The following TLK2 variants were observed in gnomAD, a reference collection of about 807,000 sequenced individuals.
TLK2 encodes serine/threonine-protein kinase tousled-like 2.
TLK2 carries 6 observed loss-of-function variants against 117.3 expected under a neutral mutation model. That is an observed-to-expected ratio of 0.05 (90% CI 0.03 to 0.10). The LOEUF (loss-of-function observed/expected upper bound fraction) is 0.10. Ranked by LOEUF, TLK2 falls within the 10% of genes least tolerant of loss-of-function variation. The pLI, the probability that TLK2 is intolerant of heterozygous loss-of-function variation, is 1.00. For missense variants in TLK2, 299 were observed against 901.2 expected (o/e 0.33, Z 8.56); for synonymous variants, 257 against 316.7 (o/e 0.81, Z 2.00).
At chr17:62,603,107 A>C (rs6504112) in intron 19 of TLK2, among the ~76,000 whole-genome samples, 89,733 of 151,946 alleles carry the variant, frequency 0.59, 26,761 homozygotes, top group East Asian at 0.82. Context: ...AAGGTGGTCA[A>C]ATCACTTTAT....
In TLK2 at chr17:62,552,211, A is replaced by G. The variant is rs543874657; in HGVS notation, c.532-91A>G. On this transcript the variant is annotated intron_variant, in intron 7 of 21. Coordinates refer to ENST00000346027, the MANE Select transcript of TLK2 (RefSeq NM_006852.6). Reference sequence around the variant, plus strand: ...ATAAGAAGGGGTTTGTATTGTGGAGATACAAATTATGGAGTTGTTTGCATT... The same window carrying G: ...ATAAGAAGGGGTTTGTATTGTGGAGGTACAAATTATGGAGTTGTTTGCATT... 8.0e-6 allele frequency: 8 copies of G among 996,714 alleles called. No homozygotes were observed. The East Asian group carries it at 2.1e-4, about 26-fold the overall frequency. 61.7% of individuals were successfully genotyped at this position (996,714 alleles called of 1,614,324 possible). A position where few individuals can be genotyped will look rare whatever the true frequency, so the allele number is the denominator to read the frequency against.
chr17:62,476,036 G>A (rs879394728), upstream of TLK2, among the ~76,000 whole-genome samples: 11 of 151,818 alleles, frequency 7.2e-5, no homozygotes, highest in Non-Finnish European at 1.5e-4. Flanking sequence ...GGAGTGCAGT[G>A]GTGCCATCTT....
intron 2 of TLK2, among the ~76,000 whole-genome samples, chr17:62,489,766 A>G (rs2072908274): frequency 6.6e-6 from 1 of 152,164 alleles, no homozygotes; most frequent in Non-Finnish European, 1.5e-5. Context: ...TCTTTGTTAC[A>G]ATTGATGATA....
At chr17:62,568,431 CAAAA>C (rs57725124) in intron 11 of TLK2, among the ~76,000 whole-genome samples, 2 of 57,360 alleles carry the variant, frequency 3.5e-5, no homozygotes, top group Non-Finnish European at 3.7e-5. Flanking sequence ...GACCCTGTCT[CAAAA>C]AAAAAAAAAA....
intron 10 of TLK2, among the ~76,000 whole-genome samples, chr17:62,561,895 C>CAT (rs1598600394): frequency 6.6e-6 from 1 of 152,178 alleles, no homozygotes; most frequent in East Asian, 1.9e-4. Context: ...AAAAAGTAAA[C>CAT]ATAATGCTGT....
At chr17:62,494,763 A>G (rs1380343493) in intron 2 of TLK2, among the ~76,000 whole-genome samples, 1 of 152,210 alleles carries the variant, frequency 6.6e-6, no homozygotes, top group Non-Finnish European at 1.5e-5. Context: ...TCAGATGCCT[A>G]TGGCACATAG....
At chr17:62,585,506 C>A (rs1476724916) in intron 15 of TLK2, 5 of 152,376 alleles carry the variant, frequency 3.3e-5, no homozygotes. Context: ...CCGTTGCACT[C>A]CAGCCTGGGC....
intron 2 of TLK2, among the ~76,000 whole-genome samples, chr17:62,497,048 G>C (rs2073767654): frequency 6.6e-6 from 1 of 151,838 alleles, no homozygotes; most frequent in Non-Finnish European, 1.5e-5. Flanking sequence ...ATTGAGCCTA[G>C]GAGTTTGAGA....
chr17:62,509,957 G>C (rs2075015256), intron 2 of TLK2, among the ~76,000 whole-genome samples: 1 of 152,194 alleles, frequency 6.6e-6, no homozygotes, highest in South Asian at 2.1e-4. Flanking sequence ...CTCCAGAACT[G>C]TCAGAAATTA....
rs139743567 is a variant in TLK2, at chr17:62,589,599, TTGAA to T, written c.1460+3377_1460+3380del. ...CAAATTCCCTTAATTGGCGAGAACT[TTGAA>T]TGACATTTTGATTCTTAAATTTTTG... On this transcript the variant is annotated intron_variant, in intron 16 of 21. Transcript: ENST00000346027. 2.5e-3 allele frequency among the ~76,000 whole-genome samples: 380 copies of T among 152,300 alleles called. 1 individual carries two copies. The highest frequency in any genetic ancestry group is 8.4e-3 in the African/African-American group (349 of 41,558).
intron 16 of TLK2, among the ~76,000 whole-genome samples, chr17:62,592,581 C>A (rs1040684756): frequency 2.4e-4 from 36 of 152,260 alleles, no homozygotes; most frequent in Admixed American, 2.0e-3. Context: ...AGGCTACACA[C>A]CTGTATAGCA....
In TLK2 at chr17:62,592,797, T is replaced by C. The variant is rs531297429; in HGVS notation, c.1461-3788T>C. Among the ~76,000 whole-genome samples the C allele has an allele frequency of 1.4e-4, 21 of 152,308 alleles. No individual in the cohort carries two copies. The South Asian group carries it at 4.4e-3, about 32-fold the overall frequency. On this transcript the variant is annotated intron_variant, in intron 16 of 21. Transcript: ENST00000346027. ...GAATTAATTACACAGCTTACCATAATGTAGAATCAGTGGGAGCCCTGAGCT... is the reference window on the plus strand; with the variant it reads ...GAATTAATTACACAGCTTACCATAACGTAGAATCAGTGGGAGCCCTGAGCT...
At chr17:62,610,650 A>G (rs985117492) in intron 21 of TLK2, among the ~76,000 whole-genome samples, 1 of 152,120 alleles carries the variant, frequency 6.6e-6, no homozygotes, top group Non-Finnish European at 1.5e-5. Flanking sequence ...CTGCAGGGGA[A>G]AGTATTTTAG....
chr17:62,600,136 C>T (rs556590734), intron 17 of TLK2: 1 of 152,586 alleles, frequency 6.6e-6, no homozygotes, highest in Non-Finnish European at 1.5e-5. Context: ...GATTCTTACT[C>T]ATTGCCAGCA....
chr17:62,573,709 T>C (rs1379425027), intron 12 of TLK2, among the ~76,000 whole-genome samples: 1 of 152,216 alleles, frequency 6.6e-6, no homozygotes, highest in Admixed American at 6.5e-5. Context: ...AGTATCATCT[T>C]ATGGGAGTTA....
intron 11 of TLK2, among the ~76,000 whole-genome samples, chr17:62,571,041 T>C (rs978555543): frequency 6.6e-6 from 1 of 152,212 alleles, no homozygotes; most frequent in Admixed American, 6.5e-5. Flanking sequence ...TAAAGATGTT[T>C]ACTAGTTTTT....
chr17:62,544,864 A>G (rs1356973814), intron 7 of TLK2, among the ~76,000 whole-genome samples: 1 of 152,178 alleles, frequency 6.6e-6, no homozygotes, highest in Non-Finnish European at 1.5e-5. Flanking sequence ...GGACCCTTTG[A>G]TTTCTTTCAA....
chr17:62,514,820 C>G (rs1272811173), intron 2 of TLK2, among the ~76,000 whole-genome samples: 1 of 152,094 alleles, frequency 6.6e-6, no homozygotes, highest in Non-Finnish European at 1.5e-5. Flanking sequence ...CTCACGTGAT[C>G]CACCTGCCTC....
chr17:62,593,431 A>G (rs1320808139), intron 16 of TLK2, among the ~76,000 whole-genome samples: 1 of 152,194 alleles, frequency 6.6e-6, no homozygotes, highest in Non-Finnish European at 1.5e-5. Flanking sequence ...TTTGACTCTC[A>G]TAATAACACT....
Sources: gnomAD v4.1 joint callset for allele counts (sites outside exome capture counted in the v4.1 genomes callset) on GRCh38, gnomAD v4.1.1 for gene constraint, MANE v1.5 for transcripts, NCBI Gene and HGNC (gene_info 2026-07-23, HGNC 2026-07-21) for gene names.